The following SRC variants were observed in gnomAD, a reference collection of about 807,000 sequenced individuals.
The protein encoded by SRC is proto-oncogene tyrosine-protein kinase Src.
SRC carries 13 observed loss-of-function variants against 62.9 expected under a neutral mutation model. The observed-to-expected ratio is 0.21, with a 90% CI of 0.13 to 0.33. The LOEUF is 0.33. SRC is among the 10% of genes least tolerant of loss of function. SRC has a pLI of 1.00. For missense variants in SRC, 457 were observed against 737.3 expected (o/e 0.62, Z 4.40); for synonymous variants, 302 against 317.5 (o/e 0.95, Z 0.52).
chr20:37,365,004 G>A (rs1363735224), intron 1 of SRC, among the ~76,000 whole-genome samples, 200 bp from the exon 2 acceptor site: 1 of 152,076 alleles, frequency 6.6e-6, no homozygotes, highest in Non-Finnish European at 1.5e-5. Flanking sequence ...CTGGTCCTTG[G>A]AACACTTGCT....
chr20:37,352,776 G>A (rs957881855), intron 1 of SRC, among the ~76,000 whole-genome samples: 4 of 152,102 alleles, frequency 2.6e-5, no homozygotes, highest in East Asian at 3.9e-4. Context: ...CCATATTTTC[G>A]AGCCGTAGCT....
In SRC at chr20:37,394,030, C is replaced by T. The variant is rs766436297; in HGVS notation, c.449+37C>T. 5.0e-6 allele frequency: 8 copies of T among 1,599,662 alleles called. 1 individual carries two copies. Among genetic ancestry groups the T allele is most frequent in the Middle Eastern group, 3.3e-4 (2 of 6,036 alleles). On this transcript the variant is annotated intron_variant, in intron 6 of 13. Coordinates refer to ENST00000373578, the MANE Select transcript of SRC (RefSeq NM_198291.3). ...CTCTGGCTGCCTCTACCCGTCGTCC[C>T]TGGACACTGCCGGTGCAGAGTGCCT...
intron 1 of SRC, among the ~76,000 whole-genome samples, chr20:37,350,140 C>T (rs367958262): frequency 8.5e-5 from 13 of 152,212 alleles, no homozygotes; most frequent in African/African-American, 3.1e-4. Context: ...CTTTCCTTCC[C>T]CTCCATGGCC....
At chr20:37,392,860 C>T (rs977900803) in intron 5 of SRC, among the ~76,000 whole-genome samples, 2 of 152,144 alleles carry the variant, frequency 1.3e-5, no homozygotes, top group African/African-American at 4.8e-5. Flanking sequence ...GCCTGGCTCT[C>T]CCGCTCTCTC....
intron 7 of SRC, among the ~76,000 whole-genome samples, chr20:37,394,640 TGCTGGAG>T (rs1364593525): frequency 6.6e-6 from 1 of 152,130 alleles, no homozygotes; most frequent in Non-Finnish European, 1.5e-5. Context: ...CTGCACTGGA[TGCTGGAG>T]GCTGGTTTTG....
rs182031991 is a variant in SRC, at chr20:37,361,388, T to G, written c.-246-3816T>G. On this transcript the variant is annotated intron_variant, in intron 1 of 13. Transcript: ENST00000373578. ...ATGGATGAGTAAAGGCAGGCTGACC[T>G]TCCTGTGACCACACAGCCAGGGGCA... is the stretch of plus-strand genomic sequence containing the variant. Among the ~76,000 whole-genome samples, 68 of 152,334 alleles carry G rather than the reference T, an allele frequency of 4.5e-4. 1 individual carries two copies. The highest frequency in any genetic ancestry group is 4.2e-3 in the Admixed American group (64 of 15,304).
intron 1 of SRC, among the ~76,000 whole-genome samples, chr20:37,355,789 G>C (rs2069873352): frequency 1.3e-5 from 2 of 152,202 alleles, no homozygotes; most frequent in African/African-American, 2.4e-5. Context: ...CCGGGAAGAA[G>C]GGACCGTGTG....
At chr20:37,372,028 G>A (rs1051845895) in intron 2 of SRC, among the ~76,000 whole-genome samples, 1 of 151,658 alleles carries the variant, frequency 6.6e-6, no homozygotes, top group African/African-American at 2.4e-5. Flanking sequence ...AGAGGGTCTC[G>A]CTCTGTTGCC....
At chr20:37,359,749 G>A (rs574528756) in intron 1 of SRC, among the ~76,000 whole-genome samples, 50 of 152,272 alleles carry the variant, frequency 3.3e-4, no homozygotes, top group Non-Finnish European at 6.5e-4. Flanking sequence ...GGGGTCACAC[G>A]AGGGTCCTGG....
chr20:37,401,847 C>T (rs2070742712), intron 11 of SRC, 169 bp downstream of exon 11: 1 of 523,444 alleles, frequency 1.9e-6, no homozygotes, highest in Non-Finnish European at 3.3e-6. Flanking sequence ...TACAGGTGCC[C>T]TGAGGGGTGA....
chr20:37,386,525 G>C lies in SRC; in HGVS notation c.350+351G>C, dbSNP rs745849544. 1.1e-5 allele frequency: 8 copies of C among 709,104 alleles called. No homozygotes were observed. The South Asian group carries it at 1.2e-4, about 10-fold the overall frequency. The allele number at this position is 709,104 out of a possible 1,614,324, so 43.9% of individuals were successfully genotyped here. On this transcript the variant is annotated intron_variant, in intron 5 of 13. Coordinates refer to ENST00000373578, the MANE Select transcript of SRC (RefSeq NM_198291.3). ...GCGGGCTGGGCGGGGTGCTTCGCGG[G>C]GGGTGGGGGCTGCTGTCTGCATGTG...
chr20:37,384,057 C>G lies in SRC; in HGVS notation c.-4-93C>G. ...GGCCCTGCTGCCTCTCCTTGGGCCT[C>G]GTTTTCCCTATCTGTGGAATGGGTG... On this transcript the variant is annotated intron_variant, in intron 3 of 13. Transcript: ENST00000373578. This position sits in a 1 kb window ranked among gnomAD's most constrained non-coding sequence, Gnocchi z 6.7. 6.6e-7 allele frequency: 1 copy of G among 1,526,370 alleles called. No homozygotes were observed. Among genetic ancestry groups the G allele is most frequent in the South Asian group, 1.2e-5 (1 of 84,784 alleles). 94.6% of individuals were successfully genotyped at this position (1,526,370 alleles called of 1,614,324 possible). A position where few individuals can be genotyped will look rare whatever the true frequency, so the allele number is the denominator to read the frequency against.
chr20:37,354,849 C>T (rs945340182), intron 1 of SRC, among the ~76,000 whole-genome samples: 1 of 152,230 alleles, frequency 6.6e-6, no homozygotes, highest in Non-Finnish European at 1.5e-5. Context: ...GTTTTCCCAC[C>T]TATGAGAAGG....
Position 37,403,488 on chromosome 20 carries a change from G to A in SRC, c.*109G>A. 2 of 1,265,242 alleles carry A rather than the reference G, an allele frequency of 1.6e-6. No individual in the cohort carries two copies. The highest frequency in any genetic ancestry group is 2.2e-6 in the Non-Finnish European group (2 of 929,818). The allele number at this position is 1,265,242 out of a possible 1,614,324, so 78.4% of individuals were successfully genotyped here. On this transcript the variant is annotated 3_prime_UTR_variant, in exon 14 of 14. Coordinates refer to ENST00000373578, the MANE Select transcript of SRC (RefSeq NM_198291.3). The surrounding 1 kb of genome is among the most constrained non-coding windows in gnomAD (Gnocchi z 7.1). Reference sequence around the variant, plus strand: ...CTGCTGTTGGTCCTCTCTCTGTGGGGCTGAATTGCCAGGGGCGAGGCCCTT... The same window carrying A: ...CTGCTGTTGGTCCTCTCTCTGTGGGACTGAATTGCCAGGGGCGAGGCCCTT...
intron 2 of SRC, among the ~76,000 whole-genome samples, chr20:37,381,528 A>T (rs1011189837): frequency 5.9e-5 from 9 of 152,158 alleles, no homozygotes; most frequent in Non-Finnish European, 1.0e-4. Flanking sequence ...TTTTAAAAAA[A>T]TTTTTACTTC....
In SRC at chr20:37,402,014, C is replaced by G. The variant is rs1352677342; in HGVS notation, c.1116+336C>G. 1 of 308,212 alleles carries G rather than the reference C, an allele frequency of 3.2e-6. No homozygotes were observed. The highest frequency in any genetic ancestry group is 5.9e-6 in the Non-Finnish European group (1 of 170,214). 19.1% of individuals were successfully genotyped at this position (308,212 alleles called of 1,614,324 possible). On this transcript the variant is annotated intron_variant, in intron 11 of 13. Coordinates refer to ENST00000373578, the MANE Select transcript of SRC (RefSeq NM_198291.3). The surrounding 1 kb of genome is among the most constrained non-coding windows in gnomAD (Gnocchi z 6.2). The stretch of plus-strand genomic sequence containing the variant: ...GTGGTCAACAAGCCTTTTTTTTTTT[C>G]ATTTAATCCTCATCACGACCAGGAG...
chr20:37,397,625 G>T lies in SRC; in HGVS notation c.704-74G>T, dbSNP rs2070672588. 2.7e-6 allele frequency: 4 copies of T among 1,460,228 alleles called. No individual in the cohort carries two copies. The highest frequency in any genetic ancestry group is 2.5e-5 in the East Asian group (1 of 40,344). 90.5% of individuals were successfully genotyped at this position (1,460,228 alleles called of 1,614,324 possible). A position where few individuals can be genotyped will look rare whatever the true frequency, so the allele number is the denominator to read the frequency against. On this transcript the variant is annotated intron_variant, in intron 8 of 13. Transcript: ENST00000373578. The surrounding 1 kb of genome is among the most constrained non-coding windows in gnomAD (Gnocchi z 4.1). ...AATCTGTGTGCATCTGGCATGTAGG[G>T]CGACACACACTGAGGGGCAGGGAGG... is the stretch of plus-strand genomic sequence containing the variant.
Position 37,396,441 on chromosome 20 carries a change from CT to C in SRC, c.703+131del, listed in dbSNP as rs2070652505. ...TTCTCTCCCCACTTCCCCCTCCCCC[CT>C]CCCTTCCTCTCTCCTCCCTTTTCCC... On this transcript the variant is annotated intron_variant, in intron 8 of 13. Coordinates refer to ENST00000373578, the MANE Select transcript of SRC (RefSeq NM_198291.3). The surrounding 1 kb of genome is among the most constrained non-coding windows in gnomAD (Gnocchi z 6.1). 1.9e-6 allele frequency: 2 copies of C among 1,038,776 alleles called. No homozygotes were observed. Among genetic ancestry groups the C allele is most frequent in the Admixed American group, 2.5e-5 (1 of 39,556 alleles). The allele number at this position is 1,038,776 out of a possible 1,614,324, so 64.3% of individuals were successfully genotyped here.
At chr20:37,367,975 G>A (rs1193179071) in intron 2 of SRC, among the ~76,000 whole-genome samples, 1 of 152,150 alleles carries the variant, frequency 6.6e-6, no homozygotes, top group African/African-American at 2.4e-5. Flanking sequence ...TCTCTTGTCA[G>A]ATATATGATT....
Sources: allele counts gnomAD v4.1 joint callset (sites outside exome capture counted in the v4.1 genomes callset), GRCh38; gene constraint gnomAD v4.1.1; non-coding constraint Gnocchi (gnomAD v3.1); transcripts MANE v1.5; gene names NCBI Gene and HGNC (gene_info 2026-07-23, HGNC 2026-07-21).